The following LRRC28 variants were observed in gnomAD, a reference collection of about 807,000 sequenced individuals.
LRRC28 encodes leucine rich repeat containing 28.
Under a neutral mutation model 45.7 loss-of-function variants are expected in LRRC28, and 39 were observed. The observed-to-expected ratio is 0.85, with a 90% CI of 0.66 to 1.12. LRRC28 has a LOEUF of 1.12. Among genes scored for constraint, LRRC28 ranks in the 50% most tolerant of loss-of-function variants. LRRC28 has a pLI of 0.00. For synonymous variants in LRRC28, 206 were observed against 178.8 expected (o/e 1.15, Z -1.22); for missense variants, 435 against 438.5 (o/e 0.99, Z 0.07).
chr15:99,285,689 C>G, intron 3 of LRRC28: 1 of 575,678 alleles, frequency 1.7e-6, no homozygotes, highest in Non-Finnish European at 3.1e-6. Flanking sequence ...ATTTTAAAGT[C>G]TGTTTGAAAA....
At chr15:99,319,439 T>G (rs529542424) in intron 5 of LRRC28, among the ~76,000 whole-genome samples, 1 of 152,326 alleles carries the variant, frequency 6.6e-6, no homozygotes, top group African/African-American at 2.4e-5. Context: ...GAATAAATGC[T>G]TTTAAAAATC....
intron 5 of LRRC28, among the ~76,000 whole-genome samples, chr15:99,321,175 A>G (rs879665397): frequency 1.3e-5 from 2 of 152,310 alleles, no homozygotes; most frequent in East Asian, 1.9e-4. Context: ...AAAATTCTAT[A>G]TCAAGATCTT....
intron 2 of LRRC28, among the ~76,000 whole-genome samples, chr15:99,269,641 A>G (rs2081421561): frequency 1.3e-5 from 2 of 152,160 alleles, no homozygotes; most frequent in African/African-American, 4.8e-5. Flanking sequence ...GACCTCAGGT[A>G]ATCCACCTCC....
In LRRC28 at chr15:99,387,911, A is replaced by C. The variant is rs1451884988; in HGVS notation, c.*1809A>C. On this transcript the variant is annotated 3_prime_UTR_variant, in exon 10 of 10. Coordinates refer to ENST00000301981, the MANE Select transcript of LRRC28 (RefSeq NM_144598.5). ...AATGTGTGATCTTTTTACAGTCACA[A>C]CACCTGCTGCCCGGAAAGCACACCG... The C allele has an allele frequency of 6.6e-6, 1 of 152,224 alleles. No homozygotes were observed. The highest frequency in any genetic ancestry group is 2.4e-5 in the African/African-American group (1 of 41,438). 9.4% of individuals were successfully genotyped at this position (152,224 alleles called of 1,614,324 possible).
At chr15:99,313,194 A>G (rs575536218) in intron 5 of LRRC28, among the ~76,000 whole-genome samples, 3 of 152,306 alleles carry the variant, frequency 2.0e-5, no homozygotes, top group African/African-American at 4.8e-5. Context: ...AACAAGGACA[A>G]TTTATAATGA....
chr15:99,313,655 A>C (rs142048456), intron 5 of LRRC28, among the ~76,000 whole-genome samples: 117 of 152,252 alleles, frequency 7.7e-4, no homozygotes, highest in East Asian at 5.4e-3. Context: ...TTTGCTAGCA[A>C]CTAATTTTCT....
intron 2 of LRRC28, chr15:99,258,270 A>G (rs150659924): frequency 7.3e-5 from 114 of 1,564,286 alleles, no homozygotes; most frequent in Middle Eastern, 1.7e-4. Context: ...AAACACAACA[A>G]CGATACCCAG....
At chr15:99,327,572 C>T (rs543122324) in intron 5 of LRRC28, among the ~76,000 whole-genome samples, 2 of 152,078 alleles carry the variant, frequency 1.3e-5, no homozygotes, top group Admixed American at 1.3e-4. Flanking sequence ...TCCTAGTTTT[C>T]CTAATTCAAG....
At position 99,258,301 on chromosome 15, in the gene LRRC28, C is replaced by T. The variant is rs2081086561; in HGVS notation, c.168+2176C>T. 2.0e-6 allele frequency: 3 copies of T among 1,512,800 alleles called. No homozygotes were observed. The African/African-American group carries it at 4.1e-5, about 21-fold the overall frequency. The allele number at this position is 1,512,800 out of a possible 1,614,324, so 93.7% of individuals were successfully genotyped here. ...CCCAGTACATCTGGGAGTCTGAATC[C>T]AATGAATATTCTGTAATTGCTGACC... is the stretch of plus-strand genomic sequence containing the variant. On this transcript the variant is annotated intron_variant, in intron 2 of 9. Coordinates refer to ENST00000301981, the MANE Select transcript of LRRC28 (RefSeq NM_144598.5).
intron 6 of LRRC28, among the ~76,000 whole-genome samples, chr15:99,339,855 A>G (rs1956449138): frequency 6.6e-6 from 1 of 152,250 alleles, no homozygotes; most frequent in Admixed American, 6.5e-5. Flanking sequence ...GGGAAAATTA[A>G]CTGGGTTTCT....
intron 9 of LRRC28, among the ~76,000 whole-genome samples, chr15:99,385,785 A>C (rs1332243525): frequency 4.0e-5 from 6 of 150,746 alleles, no homozygotes; most frequent in Non-Finnish European, 7.4e-5. Context: ...TAGGGATAAT[A>C]TATCTTCTGA....
chr15:99,293,542 G>A (rs1340254879), intron 5 of LRRC28, among the ~76,000 whole-genome samples: 5 of 125,660 alleles, frequency 4.0e-5, no homozygotes, highest in South Asian at 2.7e-4. Context: ...GTGGTGAGCC[G>A]AGATCATGCC....
At chr15:99,383,074 T>C (rs1220666788) in intron 9 of LRRC28, among the ~76,000 whole-genome samples, 2 of 152,168 alleles carry the variant, frequency 1.3e-5, no homozygotes, top group East Asian at 3.8e-4. Flanking sequence ...TTCAGAACAT[T>C]TTCTCACCCA....
intron 1 of LRRC28, among the ~76,000 whole-genome samples, chr15:99,252,596 C>G (rs1213919907): frequency 6.6e-6 from 1 of 152,230 alleles, no homozygotes; most frequent in Non-Finnish European, 1.5e-5. Flanking sequence ...GTTTCCTCCT[C>G]TACAAAACGG....
At chr15:99,292,113 T>C (rs1030941262) in intron 5 of LRRC28, among the ~76,000 whole-genome samples, 1 of 152,212 alleles carries the variant, frequency 6.6e-6, no homozygotes, top group African/African-American at 2.4e-5. Flanking sequence ...TGCTCCATCC[T>C]TGGCCTGTAA....
chr15:99,384,893 C>G (rs1202896713), intron 9 of LRRC28: 1 of 152,282 alleles, frequency 6.6e-6, no homozygotes. Flanking sequence ...GGCTGGAAAA[C>G]AAAATGCACA....
intron 7 of LRRC28, among the ~76,000 whole-genome samples, chr15:99,358,843 C>T (rs899142008): frequency 2.6e-5 from 4 of 151,984 alleles, no homozygotes; most frequent in African/African-American, 4.8e-5. Flanking sequence ...TTTGGGAAGC[C>T]GAGGCGGGCC....
chr15:99,390,429 C>G lies in LRRC28; in HGVS notation c.*4327C>G, dbSNP rs1958151223. On this transcript the variant is annotated 3_prime_UTR_variant, in exon 10 of 10. Coordinates refer to ENST00000301981, the MANE Select transcript of LRRC28 (RefSeq NM_144598.5). ...TTTCAAGGGTTAGCCAGACTTTTTT[C>G]CACTCAAGTGTGGATTATCTTTGCT... The G allele has an allele frequency of 1.3e-5, 1 of 74,702 alleles. No individual in the cohort carries two copies. Among genetic ancestry groups the G allele is most frequent in the Non-Finnish European group, 2.4e-5 (1 of 41,604 alleles). The allele number at this position is 74,702 out of a possible 1,614,324, so 4.6% of individuals were successfully genotyped here. A position where few individuals can be genotyped will look rare whatever the true frequency, so the allele number is the denominator to read the frequency against.
At chr15:99,283,753 C>T (rs1455705343) in intron 3 of LRRC28, among the ~76,000 whole-genome samples, 1 of 151,644 alleles carries the variant, frequency 6.6e-6, no homozygotes, top group Non-Finnish European at 1.5e-5. Context: ...AATGAGTATA[C>T]CCCAAAGTGA....
Sources: allele counts gnomAD v4.1 joint callset (sites outside exome capture counted in the v4.1 genomes callset), GRCh38; gene constraint gnomAD v4.1.1; transcripts MANE v1.5; gene names NCBI Gene and HGNC (gene_info 2026-07-23, HGNC 2026-07-21).